Variants in ZFHX3 observed in about 807,000 individuals in gnomAD.
ZFHX3 encodes the protein zinc finger homeobox protein 3.
In ZFHX3, 42 loss-of-function variants were observed where a neutral mutation model predicts 279.1. That is an observed-to-expected ratio of 0.15 (90% CI 0.12 to 0.19). The LOEUF (loss-of-function observed/expected upper bound fraction) is 0.19, where lower values mean the gene tolerates loss of function less well. Among genes scored for constraint, ZFHX3 ranks in the 10% least tolerant of loss-of-function variants. The pLI is 1.00. For synonymous variants in ZFHX3, 2,293 were observed against 1,957.8 expected (o/e 1.17, Z -4.52); for missense variants, 4,981 against 4,754.0 (o/e 1.05, Z -1.40).
chr16:73,510,565 A>C (rs2019411330), intron 2 of ZFHX3, among the ~76,000 whole-genome samples: 1 of 152,214 alleles, frequency 6.6e-6, no homozygotes, highest in African/African-American at 2.4e-5. Flanking sequence ...ATTTACTACA[A>C]AGTTAGGAAA....
At chr16:73,411,586 A>G (rs908412279) in intron 3 of ZFHX3, among the ~76,000 whole-genome samples, 1 of 152,226 alleles carries the variant, frequency 6.6e-6, no homozygotes, top group Non-Finnish European at 1.5e-5. Flanking sequence ...GTGTATCTGT[A>G]TGCCTGTGAG....
chr16:73,361,016 A>C (rs149200471), intron 3 of ZFHX3, among the ~76,000 whole-genome samples: 2 of 152,350 alleles, frequency 1.3e-5, no homozygotes, highest in East Asian at 3.9e-4. Context: ...AAAGCAAATA[A>C]GGAAATGGGG....
At chr16:72,925,225 C>G (rs1000755848) in intron 3 of ZFHX3, among the ~76,000 whole-genome samples, 3 of 152,220 alleles carry the variant, frequency 2.0e-5, no homozygotes, top group Admixed American at 2.0e-4. Flanking sequence ...GCCCACTCTT[C>G]CCCCACTTCC....
intron 2 of ZFHX3, among the ~76,000 whole-genome samples, chr16:73,668,482 CG>C (rs1165318935): frequency 1.3e-5 from 2 of 151,954 alleles, no homozygotes; most frequent in Non-Finnish European, 2.9e-5. Context: ...CAGACCCCAG[CG>C]TGTGATATTC....
At chr16:73,167,903 T>C (rs1967410861) in intron 5 of ZFHX3, among the ~76,000 whole-genome samples, 1 of 152,244 alleles carries the variant, frequency 6.6e-6, no homozygotes, top group African/African-American at 2.4e-5. Context: ...AATGTAGAGA[T>C]TTCCAACCCT....
intron 2 of ZFHX3, among the ~76,000 whole-genome samples, chr16:73,627,701 G>C (rs138781594): frequency 6.6e-6 from 1 of 152,160 alleles, no homozygotes; most frequent in Admixed American, 6.5e-5. Flanking sequence ...GGTGGATCAC[G>C]AGGTCAGGAG....
At chr16:73,432,132 G>C (rs1005582245) in intron 3 of ZFHX3, among the ~76,000 whole-genome samples, 34 of 152,198 alleles carry the variant, frequency 2.2e-4, no homozygotes, top group African/African-American at 7.5e-4. Context: ...ACAAGAAATA[G>C]AGTCTCGTGG....
rs368597124 is a variant in ZFHX3, at chr16:73,334,810, C to CTTTTTTTTTTT, written c.-1290-16485_-1290-16475dup. Among the ~76,000 whole-genome samples, 18 of 57,914 alleles carry CTTTTTTTTTTT rather than the reference C, an allele frequency of 3.1e-4. 3 individuals are homozygous for CTTTTTTTTTTT. Among genetic ancestry groups the CTTTTTTTTTTT allele is most frequent in the East Asian group, 8.2e-4 (2 of 2,428 alleles). 38.0% of individuals were successfully genotyped at this position (57,914 alleles called of 152,430 possible). A position where few individuals can be genotyped will look rare whatever the true frequency, so the allele number is the denominator to read the frequency against. ...TCTTTTCCTCCTTTTCTTTCTCATT[C>CTTTTTTTTTTT]TTTTTTTTTTTTTTTTTTTTTTTTT... is the stretch of plus-strand genomic sequence containing the variant. On this transcript the variant is annotated intron_variant, in intron 3 of 17. Coordinates refer to the ZFHX3 transcript ENST00000641206.
At chr16:73,245,834 G>C (rs149998076) in intron 5 of ZFHX3, among the ~76,000 whole-genome samples, 3 of 152,144 alleles carry the variant, frequency 2.0e-5, no homozygotes, top group Non-Finnish European at 4.4e-5. Context: ...AAGTGAAAGC[G>C]TAAGAGTAAG....
In ZFHX3 at chr16:73,234,881, C is replaced by T. The variant is rs555656083; in HGVS notation, c.-1104+22166G>A. Among the ~76,000 whole-genome samples the T allele has an allele frequency of 2.0e-5, 3 of 152,140 alleles. 1 individual carries two copies. In the South Asian group the frequency reaches 6.2e-4, roughly 32 times the overall value. On this transcript the variant is annotated intron_variant, in intron 5 of 17. Transcript: ENST00000641206. Reference sequence around the variant, plus strand: ...TTTTTCTTTTGGGCTGTGCATTAGGCCTTCCCCAAAGATAGTACTTGCTTT... The same window carrying T: ...TTTTTCTTTTGGGCTGTGCATTAGGTCTTCCCCAAAGATAGTACTTGCTTT...
chr16:73,648,986 T>G (rs1246696769), intron 2 of ZFHX3, among the ~76,000 whole-genome samples: 2 of 152,338 alleles, frequency 1.3e-5, no homozygotes, highest in Non-Finnish European at 2.9e-5. Context: ...GATGCACATA[T>G]CTTTACATTT....
chr16:73,736,784 A>G (rs1180579271), intron 1 of ZFHX3, among the ~76,000 whole-genome samples: 1 of 152,224 alleles, frequency 6.6e-6, no homozygotes, highest in Non-Finnish European at 1.5e-5. Flanking sequence ...ATTCTGGCAC[A>G]ATGGGAAGAC....
chr16:73,470,887 T>G (rs920809662), intron 2 of ZFHX3, among the ~76,000 whole-genome samples: 1 of 152,304 alleles, frequency 6.6e-6, no homozygotes, highest in East Asian at 1.9e-4. Context: ...TTACCCCTTT[T>G]TTGGGTGAAC....
intron 1 of ZFHX3, among the ~76,000 whole-genome samples, chr16:73,033,399 C>A (rs1166156211): frequency 6.6e-6 from 1 of 152,150 alleles, no homozygotes; most frequent in Non-Finnish European, 1.5e-5. Context: ...CTGAGCAGCT[C>A]CCCCGCCGCC....
chr16:73,254,898 A>G (rs949617375), intron 5 of ZFHX3, among the ~76,000 whole-genome samples: 1 of 148,344 alleles, frequency 6.7e-6, no homozygotes, highest in Non-Finnish European at 1.5e-5. Context: ...CTGTTTATCT[A>G]TCCATCCATC....
chr16:72,862,252 C>T (rs1301651300), intron 4 of ZFHX3, among the ~76,000 whole-genome samples: 3 of 152,168 alleles, frequency 2.0e-5, no homozygotes, highest in Non-Finnish European at 4.4e-5. Flanking sequence ...TGCCACCCAC[C>T]TCAGCCCTCC....
At chr16:73,566,744 G>A (rs1484806717) in intron 2 of ZFHX3, among the ~76,000 whole-genome samples, 1 of 150,000 alleles carries the variant, frequency 6.7e-6, no homozygotes, top group Non-Finnish European at 1.5e-5. Context: ...GTCCAGGCTG[G>A]AGCGCAATGG....
intron 2 of ZFHX3, among the ~76,000 whole-genome samples, chr16:73,645,588 A>G (rs1216599561): frequency 2.0e-5 from 3 of 152,210 alleles, no homozygotes; most frequent in Non-Finnish European, 4.4e-5. Context: ...TTAGCCCTTA[A>G]TAAATATGTT....
chr16:73,424,610 G>A (rs1382875131), intron 3 of ZFHX3, among the ~76,000 whole-genome samples: 1 of 151,928 alleles, frequency 6.6e-6, no homozygotes, highest in African/African-American at 2.4e-5. Flanking sequence ...GAGGCATGGT[G>A]AGGCATGGTG....
Sources: gnomAD v4.1 joint callset for allele counts (sites outside exome capture counted in the v4.1 genomes callset) on GRCh38, gnomAD v4.1.1 for gene constraint, MANE v1.5 for transcripts, NCBI Gene and HGNC (gene_info 2026-07-23, HGNC 2026-07-21) for gene names.